FAM219A: variants seen among roughly 807,000 people sequenced by gnomAD.
FAM219A encodes family with sequence similarity 219 member A.
A neutral mutation model predicts 23.4 loss-of-function variants in FAM219A; 7 were observed. The ratio of observed to expected loss-of-function variants is 0.30; its 90% CI spans 0.17 to 0.56. The LOEUF (loss-of-function observed/expected upper bound fraction) is 0.56, where lower values mean the gene tolerates loss of function less well. FAM219A is among the 20% of genes least tolerant of loss of function. The pLI, the probability that FAM219A is intolerant of heterozygous loss-of-function variation, is 0.92. For synonymous variants in FAM219A, 93 were observed against 99.0 expected, an observed-to-expected ratio of 0.94 and a Z score of 0.36; for missense variants, 166 against 246.9, an observed-to-expected ratio of 0.67 and a Z score of 2.20.
intron 1 of FAM219A, among the ~76,000 whole-genome samples, chr9:34,425,373 G>A (rs879853487): frequency 7.2e-5 from 11 of 152,162 alleles, no homozygotes; most frequent in African/African-American, 1.9e-4. Flanking sequence ...CCAGCTACTC[G>A]GGAGGCTGAG....
chr9:34,426,737 G>A (rs890348250), intron 1 of FAM219A, among the ~76,000 whole-genome samples: 8 of 152,214 alleles, frequency 5.3e-5, no homozygotes, highest in African/African-American at 1.7e-4. Context: ...TTAATAAACA[G>A]TTCAGAGCAA....
At chr9:34,428,093 A>G (rs1380638001) in intron 1 of FAM219A, among the ~76,000 whole-genome samples, 1 of 152,232 alleles carries the variant, frequency 6.6e-6, no homozygotes, top group Non-Finnish European at 1.5e-5. Context: ...GAAGAATGGG[A>G]AACCAGCTTG....
chr9:34,454,442 G>A (rs934653083), intron 1 of FAM219A, among the ~76,000 whole-genome samples: 1 of 152,148 alleles, frequency 6.6e-6, no homozygotes, highest in African/African-American at 2.4e-5. Flanking sequence ...TCTCAAAAGA[G>A]AGAGAAAAAA....
intron 1 of FAM219A, among the ~76,000 whole-genome samples, chr9:34,410,071 C>T (rs1294884503): frequency 6.6e-6 from 1 of 152,130 alleles, no homozygotes; most frequent in Non-Finnish European, 1.5e-5. Flanking sequence ...GTGATGGAGT[C>T]AATAACCTTT....
intron 1 of FAM219A, among the ~76,000 whole-genome samples, chr9:34,440,867 A>T (rs10972114): frequency 0.016 from 2,465 of 151,392 alleles, 60 homozygotes; most frequent in East Asian, 0.11. Flanking sequence ...AAAAAAAAAA[A>T]ATTTTTAAAG....
chr9:34,435,926 C>T (rs1225902106), intron 1 of FAM219A, among the ~76,000 whole-genome samples: 1 of 152,046 alleles, frequency 6.6e-6, no homozygotes, highest in African/African-American at 2.4e-5. Context: ...CTGCCTCAGA[C>T]TCCCAAGTTG....
At chr9:34,408,806 G>C (rs1821732228) in intron 1 of FAM219A, among the ~76,000 whole-genome samples, 1 of 152,198 alleles carries the variant, frequency 6.6e-6, no homozygotes, top group Admixed American at 6.5e-5. Context: ...TATCACATGA[G>C]AGTGTTAGGC....
At chr9:34,429,009 C>T (rs1439447279) in intron 1 of FAM219A, among the ~76,000 whole-genome samples, 1 of 152,232 alleles carries the variant, frequency 6.6e-6, no homozygotes, top group African/African-American at 2.4e-5. Flanking sequence ...TCCAGGAGCA[C>T]TATCATGCAA....
chr9:34,428,736 G>A (rs1394850971), intron 1 of FAM219A, among the ~76,000 whole-genome samples: 1 of 152,200 alleles, frequency 6.6e-6, no homozygotes, highest in African/African-American at 2.4e-5. Context: ...CTGAGTTTAG[G>A]TCTGTTCCAC....
intron 1 of FAM219A, among the ~76,000 whole-genome samples, chr9:34,422,756 A>C (rs1347544498): frequency 6.6e-6 from 1 of 152,204 alleles, no homozygotes; most frequent in Admixed American, 6.5e-5. Context: ...AGGAGACAAA[A>C]GAAGAGGGCA....
intron 1 of FAM219A, among the ~76,000 whole-genome samples, chr9:34,436,986 A>ATC (rs907959369): frequency 6.6e-6 from 1 of 152,088 alleles, no homozygotes; most frequent in African/African-American, 2.4e-5. Flanking sequence ...TTTTGTTTCC[A>ATC]TCTAGTCTAA....
intron 1 of FAM219A, among the ~76,000 whole-genome samples, chr9:34,438,050 T>C (rs1407888780): frequency 6.6e-6 from 1 of 152,146 alleles, no homozygotes; most frequent in Non-Finnish European, 1.5e-5. Context: ...CCAGGGGCAA[T>C]GAGGGGCTTA....
chr9:34,441,399 C>T (rs1823168982), intron 1 of FAM219A, among the ~76,000 whole-genome samples: 1 of 152,168 alleles, frequency 6.6e-6, no homozygotes, highest in African/African-American at 2.4e-5. Flanking sequence ...ACTGCTGTTC[C>T]AGTGAGAACA....
chr9:34,412,019 T>C (rs537971406), intron 1 of FAM219A, among the ~76,000 whole-genome samples: 2 of 152,286 alleles, frequency 1.3e-5, no homozygotes, highest in East Asian at 1.9e-4. Context: ...AGGAGGGGGC[T>C]CAGATCATGC....
intron 1 of FAM219A, among the ~76,000 whole-genome samples, chr9:34,416,265 G>A (rs1219177019): frequency 1.6e-4 from 15 of 91,252 alleles, no homozygotes; most frequent in African/African-American, 4.1e-4. Flanking sequence ...GAAAGGGGGA[G>A]GGAGGGAGGG....
Position 34,402,410 on chromosome 9 carries a change from T to C in FAM219A, c.321A>G (p.Pro107=), listed in dbSNP as rs769426182. 21 of 1,614,102 alleles carry C rather than the reference T, an allele frequency of 1.3e-5. No individual in the cohort carries two copies. Among genetic ancestry groups the C allele is most frequent in the Admixed American group, 1.7e-5 (1 of 60,010 alleles). Residue 107 remains proline, a synonymous_variant, in exon 4 of 6, where the codon CCA becomes CCG. Coordinates refer to ENST00000651358, the MANE Select transcript of FAM219A (RefSeq NM_001184940.2). ...ACCTGTCCGTGTCAAGGGCTACCAGTGGCTTCTCATCAGGGCTCTGGTCAA... is the reference window on the plus strand; with the variant it reads ...ACCTGTCCGTGTCAAGGGCTACCAGCGGCTTCTCATCAGGGCTCTGGTCAA... ...SSLDQSPDEK[P]LVALDTDSDD...
At chr9:34,452,572 C>A (rs1044900431) in intron 1 of FAM219A, among the ~76,000 whole-genome samples, 12 of 152,212 alleles carry the variant, frequency 7.9e-5, no homozygotes, top group Non-Finnish European at 1.3e-4. Context: ...TATCTCCTAG[C>A]AGAATTATTA....
intron 1 of FAM219A, among the ~76,000 whole-genome samples, chr9:34,409,906 T>G (rs1358512923): frequency 6.6e-6 from 1 of 152,212 alleles, no homozygotes; most frequent in Non-Finnish European, 1.5e-5. Flanking sequence ...ATTTTAAATG[T>G]TTAAAAATGT....
At chr9:34,444,764 CA>C (rs2132008887) in intron 1 of FAM219A, among the ~76,000 whole-genome samples, 1 of 152,290 alleles carries the variant, frequency 6.6e-6, no homozygotes, top group South Asian at 2.1e-4. Flanking sequence ...GGTCTGAGTT[CA>C]AACATCACTT....
Sources: gnomAD v4.1 joint callset for allele counts (sites outside exome capture counted in the v4.1 genomes callset) on GRCh38, gnomAD v4.1.1 for gene constraint, MANE v1.5 for transcripts, NCBI Gene and HGNC (gene_info 2026-07-23, HGNC 2026-07-21) for gene names.